The following WDR45B variants were observed in gnomAD, a reference collection of about 807,000 sequenced individuals.
WDR45B encodes WD repeat domain phosphoinositide-interacting protein 3.
In WDR45B, 20 loss-of-function variants were observed where a neutral mutation model predicts 44.6. The ratio of observed to expected loss-of-function variants is 0.45; its 90% CI spans 0.32 to 0.65. The LOEUF (loss-of-function observed/expected upper bound fraction) is 0.65, where lower values mean the gene tolerates loss of function less well. Ranked by LOEUF, WDR45B falls within the 30% of genes least tolerant of loss-of-function variation. The probability of loss-of-function intolerance (pLI) is 0.05; values close to 1 mark genes in which losing one functional copy is unlikely to be tolerated. For synonymous variants in WDR45B, 169 were observed against 164.9 expected (o/e 1.02, Z -0.19); for missense variants, 323 against 430.2 (o/e 0.75, Z 2.20).
chr17:82,622,181 A>T (rs1021208005), intron 5 of WDR45B, among the ~76,000 whole-genome samples: 3 of 152,208 alleles, frequency 2.0e-5, no homozygotes, highest in Non-Finnish European at 4.4e-5. Context: ...ACAGCGTAAA[A>T]ATATTAAAAA....
At chr17:82,625,856 G>A (rs1000751069) in intron 4 of WDR45B, 5 of 299,540 alleles carry the variant, frequency 1.7e-5, no homozygotes, top group East Asian at 8.6e-5. Context: ...GAATATCCTC[G>A]ATCTGGCTCA....
At chr17:82,647,283 G>A (rs2045990949) in intron 1 of WDR45B, among the ~76,000 whole-genome samples, 1 of 152,194 alleles carries the variant, frequency 6.6e-6, no homozygotes, top group African/African-American at 2.4e-5. Context: ...CACCTGCCTG[G>A]ATTCTCTTCA....
At chr17:82,641,126 T>C (rs1015722430) in intron 2 of WDR45B, among the ~76,000 whole-genome samples, 3 of 151,992 alleles carry the variant, frequency 2.0e-5, no homozygotes, top group African/African-American at 4.8e-5. Context: ...CCACCACGCC[T>C]GGCTAACTTT....
chr17:82,631,655 A>G (rs1160005534), intron 2 of WDR45B, among the ~76,000 whole-genome samples: 1 of 135,582 alleles, frequency 7.4e-6, no homozygotes, highest in Non-Finnish European at 1.6e-5. Flanking sequence ...ACTGGCTAAA[A>G]AAATAGTGAG....
intron 2 of WDR45B, among the ~76,000 whole-genome samples, chr17:82,632,607 T>C (rs906358142): frequency 1.3e-5 from 2 of 152,176 alleles, no homozygotes; most frequent in Admixed American, 1.3e-4. Context: ...TTCTGCATGG[T>C]TCACGTAACT....
At chr17:82,648,058 G>C (rs1441385455) in intron 1 of WDR45B, among the ~76,000 whole-genome samples, 2 of 149,126 alleles carry the variant, frequency 1.3e-5, no homozygotes, top group Admixed American at 6.7e-5. Context: ...AGGCCAGGAA[G>C]GTGGGAGCCG....
rs980107353 is a variant in WDR45B, at chr17:82,620,896, C to T, written c.618+713G>A. ...ATCTGGTGGTAATTCAATGAAGACACGTTACTAAGCAGGTAAAAAAGGGTT... is the reference window on the plus strand; with the variant it reads ...ATCTGGTGGTAATTCAATGAAGACATGTTACTAAGCAGGTAAAAAAGGGTT... On this transcript the variant is annotated intron_variant, in intron 6 of 9. Coordinates refer to ENST00000392325, the MANE Select transcript of WDR45B (RefSeq NM_019613.4). Among the ~76,000 whole-genome samples the T allele has an allele frequency of 4.6e-5, 7 of 152,250 alleles. No individual in the cohort carries two copies. The South Asian group carries it at 6.2e-4, about 14-fold the overall frequency.
At chr17:82,646,957 C>A (rs1455276627) in intron 1 of WDR45B, among the ~76,000 whole-genome samples, 1 of 152,136 alleles carries the variant, frequency 6.6e-6, no homozygotes, top group Non-Finnish European at 1.5e-5. Flanking sequence ...TCCGGCCGGG[C>A]GCAGTGGCTC....
intron 2 of WDR45B, among the ~76,000 whole-genome samples, chr17:82,637,254 A>G (rs1400364777): frequency 1.3e-5 from 2 of 152,040 alleles, no homozygotes; most frequent in African/African-American, 4.8e-5. Context: ...TGTCTGTAAC[A>G]GCAACTAAAA....
Position 82,615,869 on chromosome 17 carries a change from G to A in WDR45B, c.*50C>T, listed in dbSNP as rs1267961338. 30 of 1,567,188 alleles carry A rather than the reference G, an allele frequency of 1.9e-5. No homozygotes were observed. The highest frequency in any genetic ancestry group is 3.3e-5 in the South Asian group (3 of 90,082). ...CCCCTGGGGCACTGGCACCAGCCCC[G>A]AGAGTCTGAAGGCGGCAGGTGGTGG... On this transcript the variant is annotated 3_prime_UTR_variant, in exon 10 of 10. Transcript: ENST00000392325.
chr17:82,646,513 C>CAAAAAAAAAAAAAAA (rs1491582349), intron 1 of WDR45B, among the ~76,000 whole-genome samples: 2 of 27,078 alleles, frequency 7.4e-5, no homozygotes, highest in Non-Finnish European at 1.2e-4. Context: ...AAAAAAAAAA[C>CAAAAAAAAAAAAAAA]CCAAAACAAA....
intron 7 of WDR45B, among the ~76,000 whole-genome samples, chr17:82,617,960 G>A (rs1423293240): frequency 2.0e-5 from 3 of 148,448 alleles, no homozygotes; most frequent in African/African-American, 7.5e-5. Context: ...ACAGAGTCTC[G>A]CTCTCTTGCC....
chr17:82,631,249 T>A (rs891850535), intron 2 of WDR45B, among the ~76,000 whole-genome samples: 1 of 150,596 alleles, frequency 6.6e-6, no homozygotes, highest in Non-Finnish European at 1.5e-5. Context: ...CTGCCTCAGC[T>A]TCCCAAGTAG....
In WDR45B at chr17:82,646,515, C is replaced by A. The variant is rs62079712; in HGVS notation, c.67+1759G>T. Among the ~76,000 whole-genome samples, 744 of 87,316 alleles carry A rather than the reference C, an allele frequency of 8.5e-3. 8 individuals are homozygous for A. Among genetic ancestry groups the A allele is most frequent in the African/African-American group, 0.026 (618 of 24,124 alleles). 57.3% of individuals were successfully genotyped at this position (87,316 alleles called of 152,430 possible). On this transcript the variant is annotated intron_variant, in intron 1 of 9. Transcript: ENST00000392325. Reference sequence around the variant, plus strand: ...AAAAAAAAAAAAAAAAAAAAAAACCCAAAACAAAAAAACAGCTAGAAACAA... The same window carrying A: ...AAAAAAAAAAAAAAAAAAAAAAACCAAAAACAAAAAAACAGCTAGAAACAA...
intron 5 of WDR45B, 127 bp downstream of exon 5, chr17:82,625,262 C>T: frequency 4.6e-6 from 4 of 869,576 alleles, no homozygotes; most frequent in Non-Finnish European, 7.6e-6. Flanking sequence ...TCTGGAGGCC[C>T]CTCTGTGCTC....
chr17:82,631,730 C>T (rs1045781667), intron 2 of WDR45B, among the ~76,000 whole-genome samples: 1 of 151,332 alleles, frequency 6.6e-6, no homozygotes, highest in Non-Finnish European at 1.5e-5. Flanking sequence ...AGGCTGAGCA[C>T]ACAACACCCT....
At position 82,615,891 on chromosome 17, in the gene WDR45B, G is replaced by T; in HGVS notation, c.*28C>A. The T allele has an allele frequency of 6.3e-7, 1 of 1,599,896 alleles. No individual in the cohort carries two copies. The highest frequency in any genetic ancestry group is 8.6e-7 in the Non-Finnish European group (1 of 1,167,880). ...CCCGAGAGTCTGAAGGCGGCAGGTG[G>T]TGGGTGCTGTGGCGCCCCCAGCTGG... is the stretch of plus-strand genomic sequence containing the variant. On this transcript the variant is annotated 3_prime_UTR_variant, in exon 10 of 10. Transcript: ENST00000392325.
At chr17:82,647,154 G>A (rs935666512) in intron 1 of WDR45B, among the ~76,000 whole-genome samples, 2 of 152,126 alleles carry the variant, frequency 1.3e-5, no homozygotes, top group African/African-American at 2.4e-5. Flanking sequence ...GCGTGAACCC[G>A]GGAGGAGGAG....
chr17:82,637,069 C>T (rs1290678242), intron 2 of WDR45B, among the ~76,000 whole-genome samples: 2 of 152,022 alleles, frequency 1.3e-5, no homozygotes, highest in Non-Finnish European at 2.9e-5. Flanking sequence ...CACCCTTCTG[C>T]AGAAGTAAAT....
Sources: allele counts gnomAD v4.1 joint callset (sites outside exome capture counted in the v4.1 genomes callset), GRCh38; gene constraint gnomAD v4.1.1; transcripts MANE v1.5; gene names NCBI Gene and HGNC (gene_info 2026-07-23, HGNC 2026-07-21).